DACH2: variants seen among roughly 807,000 people sequenced by gnomAD.
DACH2 encodes the protein dachshund family transcription factor 2, also known as dachshund homolog 2.
In DACH2, 17 loss-of-function variants were observed where a neutral mutation model predicts 35.8. The ratio of observed to expected loss-of-function variants is 0.48; its 90% CI spans 0.33 to 0.71. The LOEUF (loss-of-function observed/expected upper bound fraction) is 0.71, where lower values mean the gene tolerates loss of function less well. Among genes scored for constraint, DACH2 ranks in the 30% least tolerant of loss-of-function variants. The probability of loss-of-function intolerance (pLI) is 0.02; values close to 1 mark genes in which losing one functional copy is unlikely to be tolerated. For synonymous variants in DACH2, 195 were observed against 177.3 expected (o/e 1.10, Z -0.79); for missense variants, 469 against 472.7 (o/e 0.99, Z 0.07).
chrX:86,410,400 G>A (rs1466671200), intron 2 of DACH2, among the ~76,000 whole-genome samples: 2 of 111,473 alleles, frequency 1.8e-5, no homozygotes, highest in Non-Finnish European at 3.8e-5. Context: ...ATGTTACTCT[G>A]GATGTCTAAA....
At chrX:86,717,845 T>C (rs1386129796) in intron 6 of DACH2, among the ~76,000 whole-genome samples, 1 of 106,575 alleles carries the variant, frequency 9.4e-6, no homozygotes, top group Non-Finnish European at 1.9e-5. Flanking sequence ...TATATTTTTA[T>C]ATATATTCAT....
chrX:86,765,269 C>T (rs777226590), intron 7 of DACH2, among the ~76,000 whole-genome samples: 5 of 111,393 alleles, frequency 4.5e-5, no homozygotes, highest in Admixed American at 1.9e-4. Context: ...GTTGCAATTG[C>T]TTTGGGGGAA....
intron 2 of DACH2, among the ~76,000 whole-genome samples, chrX:86,449,774 T>C (rs192945315): frequency 9.4e-4 from 105 of 111,793 alleles, no homozygotes; most frequent in African/African-American, 3.3e-3. Context: ...AAAGTTTCTA[T>C]ATTTTAATCC....
chrX:86,238,123 T>C (rs2033092981), intron 1 of DACH2, among the ~76,000 whole-genome samples: 1 of 112,404 alleles, frequency 8.9e-6, no homozygotes, highest in Non-Finnish European at 1.9e-5. Context: ...ATATTCACAA[T>C]AATAAATATT....
At chrX:86,343,022 A>G (rs1032952362) in intron 1 of DACH2, among the ~76,000 whole-genome samples, 1 of 111,759 alleles carries the variant, frequency 8.9e-6, no homozygotes, top group African/African-American at 3.3e-5. Flanking sequence ...GACATCATAC[A>G]GTTTCACACT....
At chrX:86,160,431 C>A in intron 1 of DACH2, 2 of 539,403 alleles carry the variant, frequency 3.7e-6, no homozygotes, top group Non-Finnish European at 6.6e-6. Context: ...GCAGCATCAC[C>A]GGACTTCAAG....
chrX:86,823,690 A>T (rs1282888341), intron 11 of DACH2, among the ~76,000 whole-genome samples: 2 of 111,944 alleles, frequency 1.8e-5, no homozygotes, highest in Non-Finnish European at 3.8e-5. Flanking sequence ...CGGCTGGCTG[A>T]GAAATAAAGA....
intron 1 of DACH2, among the ~76,000 whole-genome samples, chrX:86,248,633 A>C (rs2033335758): frequency 9.0e-6 from 1 of 111,310 alleles, no homozygotes; most frequent in Non-Finnish European, 1.9e-5. Flanking sequence ...AGCAGTGTAT[A>C]GATTCAATGC....
chrX:86,494,041 C>T (rs2038132236), intron 2 of DACH2, among the ~76,000 whole-genome samples: 1 of 111,838 alleles, frequency 8.9e-6, no homozygotes, highest in Admixed American at 9.5e-5. Context: ...CCACAAGGTG[C>T]TCTCAGCCCA....
At chrX:86,400,168 C>T (rs1005923212) in intron 2 of DACH2, among the ~76,000 whole-genome samples, 122 of 111,895 alleles carry the variant, frequency 1.1e-3, no homozygotes, top group Non-Finnish European at 1.7e-3. Flanking sequence ...TCCAGTTGAT[C>T]GCATCGGCTA....
intron 7 of DACH2, among the ~76,000 whole-genome samples, chrX:86,795,224 A>G (rs1281885642): frequency 1.1e-5 from 1 of 92,807 alleles, no homozygotes; most frequent in Admixed American, 1.2e-4. Flanking sequence ...AGGTGATGGA[A>G]GCATGTTCTT....
chrX:86,382,130 TC>T (rs1459026909), intron 2 of DACH2, among the ~76,000 whole-genome samples: 1 of 110,161 alleles, frequency 9.1e-6, no homozygotes, highest in East Asian at 2.9e-4. Context: ...CTATATTCTT[TC>T]TTTCTTTTCT....
At chrX:86,318,198 G>T (rs927270575) in intron 1 of DACH2, among the ~76,000 whole-genome samples, 13 of 111,847 alleles carry the variant, frequency 1.2e-4, no homozygotes, top group African/African-American at 3.9e-4. Context: ...AAAGGCTGTA[G>T]TTAGCTCAAG....
chrX:86,461,906 G>A (rs890977059), intron 2 of DACH2, among the ~76,000 whole-genome samples: 6 of 111,242 alleles, frequency 5.4e-5, no homozygotes, highest in Non-Finnish European at 9.5e-5. Context: ...CAAAGCTTTG[G>A]TGTCTTATTC....
intron 3 of DACH2, 81 bp downstream of exon 3, chrX:86,514,472 C>A: frequency 1.1e-6 from 1 of 910,747 alleles, no homozygotes; most frequent in Non-Finnish European, 1.5e-6. Context: ...ATCTAACTGC[C>A]TTGTCCTTCA....
chrX:86,752,416 AATAGAT>A (rs1010244285), intron 7 of DACH2, among the ~76,000 whole-genome samples: 44 of 111,575 alleles, frequency 3.9e-4, no homozygotes, highest in African/African-American at 1.4e-3. Flanking sequence ...GAAATAAATA[AATAGAT>A]ATATATATAC....
At chrX:86,582,750 C>G in intron 3 of DACH2, among the ~76,000 whole-genome samples, 1 of 109,899 alleles carries the variant, frequency 9.1e-6, no homozygotes, top group Non-Finnish European at 1.9e-5. Flanking sequence ...AGCCCAGGAC[C>G]AGATGGATTC....
intron 3 of DACH2, among the ~76,000 whole-genome samples, chrX:86,522,648 T>TAAC (rs397736330): frequency 5.4e-5 from 6 of 110,145 alleles, no homozygotes; most frequent in African/African-American, 2.0e-4. Context: ...TGTTCCAAAA[T>TAAC]GAAGTTAGAC....
chrX:86,311,952 T>A (rs1169913134), intron 1 of DACH2, among the ~76,000 whole-genome samples: 1 of 111,267 alleles, frequency 9.0e-6, no homozygotes, highest in Admixed American at 9.6e-5. Context: ...AATGGGAAAC[T>A]ATGACAGCTC....
Sources: gnomAD v4.1 joint callset for allele counts (sites outside exome capture counted in the v4.1 genomes callset) on GRCh38, gnomAD v4.1.1 for gene constraint, MANE v1.5 for transcripts, NCBI Gene and HGNC (gene_info 2026-07-23, HGNC 2026-07-21) for gene names.